DCTD: variants seen among roughly 807,000 people sequenced by gnomAD.
The protein encoded by DCTD is deoxycytidylate deaminase.
DCTD carries 23 observed loss-of-function variants against 21.0 expected under a neutral mutation model. The observed-to-expected ratio is 1.09, with a 90% confidence interval of 0.79 to 1.55. The LOEUF (loss-of-function observed/expected upper bound fraction) is 1.55. Ranked by LOEUF, DCTD falls within the 40% of genes most tolerant of loss-of-function variation. The pLI, the probability that DCTD is intolerant of heterozygous loss-of-function variation, is 0.00. For synonymous variants in DCTD, 71 were observed against 81.1 expected, an observed-to-expected ratio of 0.88 and a Z score of 0.67; for missense variants, 224 against 230.0, an observed-to-expected ratio of 0.97 and a Z score of 0.17.
chr4:182,906,095 C>G (rs183378041), intron 3 of DCTD, among the ~76,000 whole-genome samples: 3 of 152,048 alleles, frequency 2.0e-5, no homozygotes, highest in Admixed American at 2.0e-4. Context: ...GCTGGCGAGT[C>G]GCTGTTTCCA....
At chr4:182,907,948 G>A (rs1177269627) in intron 3 of DCTD, among the ~76,000 whole-genome samples, 3 of 151,736 alleles carry the variant, frequency 2.0e-5, no homozygotes, top group South Asian at 2.1e-4. Flanking sequence ...GGATTCTTTC[G>A]TGTGAATATG....
intron 3 of DCTD, among the ~76,000 whole-genome samples, chr4:182,914,106 C>G (rs1433918075): frequency 6.6e-6 from 1 of 152,214 alleles, no homozygotes; most frequent in Non-Finnish European, 1.5e-5. Context: ...CTCCTGAGTT[C>G]AAGCGATTCT....
At chr4:182,907,326 C>T (rs1220301423) in intron 3 of DCTD, among the ~76,000 whole-genome samples, 3 of 152,120 alleles carry the variant, frequency 2.0e-5, no homozygotes, top group African/African-American at 7.2e-5. Flanking sequence ...TCTGTAGAGA[C>T]GGGATTTCGC....
chr4:182,915,608 G>T, intron 1 of DCTD, 33 bp from the exon 2 acceptor site: 1 of 1,406,420 alleles, frequency 7.1e-7, no homozygotes, highest in Non-Finnish European at 1.0e-6. Context: ...CAGAAGTTGA[G>T]AGAAGCATTT....
chr4:182,891,186 C>T lies in DCTD; in HGVS notation c.*213G>A, dbSNP rs1733678073. The T allele has an allele frequency of 2.8e-5, 14 of 497,942 alleles. No individual in the cohort carries two copies. The East Asian group carries it at 4.4e-4, about 16-fold the overall frequency. The allele number at this position is 497,942 out of a possible 1,614,324, so 30.8% of individuals were successfully genotyped here. A position where few individuals can be genotyped will look rare whatever the true frequency, so the allele number is the denominator to read the frequency against. ...CTGTGCACCAGGCCACCACAGGCTC[C>T]CCTATTTTAAACCCTAAAGCAATAG... On this transcript the variant is annotated 3_prime_UTR_variant, in exon 6 of 6. Transcript: ENST00000438320.
chr4:182,905,515 G>A (rs538829426), intron 3 of DCTD, among the ~76,000 whole-genome samples: 13 of 151,968 alleles, frequency 8.6e-5, no homozygotes, highest in Admixed American at 2.6e-4. Flanking sequence ...TTTTAGTAGA[G>A]ACGGGGTTTC....
At chr4:182,898,311 G>C (rs1052239479) in intron 3 of DCTD, among the ~76,000 whole-genome samples, 2 of 152,172 alleles carry the variant, frequency 1.3e-5, no homozygotes, top group South Asian at 4.1e-4. Flanking sequence ...AAAGAGCTTT[G>C]CAACAAGGGC....
chr4:182,910,046 C>G (rs779346585), intron 3 of DCTD, among the ~76,000 whole-genome samples: 1 of 152,076 alleles, frequency 6.6e-6, no homozygotes, highest in African/African-American at 2.4e-5. Flanking sequence ...GGGTAAGAGC[C>G]CCACTTCTAC....
chr4:182,905,486 G>A (rs566684804), intron 3 of DCTD, among the ~76,000 whole-genome samples: 3 of 151,912 alleles, frequency 2.0e-5, no homozygotes, highest in African/African-American at 4.8e-5. Context: ...GCACCAACAC[G>A]CCCAGCTAAT....
chr4:182,916,912 C>G, intron 1 of DCTD: 1 of 1,007,322 alleles, frequency 9.9e-7, no homozygotes, highest in Non-Finnish European at 1.2e-6. Flanking sequence ...AAGACACATC[C>G]GGTCACCGTC....
At chr4:182,898,314 A>T (rs916023064) in intron 3 of DCTD, among the ~76,000 whole-genome samples, 1 of 152,208 alleles carries the variant, frequency 6.6e-6, no homozygotes, top group African/African-American at 2.4e-5. Flanking sequence ...GAGCTTTGCA[A>T]CAAGGGCAGC....
chr4:182,895,055 G>C (rs1048504906), intron 3 of DCTD, among the ~76,000 whole-genome samples: 1 of 152,186 alleles, frequency 6.6e-6, no homozygotes, highest in African/African-American at 2.4e-5. Context: ...TTACCACATC[G>C]TGCTCAGCCC....
intron 2 of DCTD, 133 bp from the exon 3 acceptor site, chr4:182,915,191 G>A (rs1249935204): frequency 7.5e-6 from 9 of 1,195,116 alleles, no homozygotes; most frequent in Admixed American, 2.1e-5. Flanking sequence ...GAGAGCTGTC[G>A]GTCTCCTTGC....
At chr4:182,905,724 A>G (rs1240577841) in intron 3 of DCTD, among the ~76,000 whole-genome samples, 1 of 152,034 alleles carries the variant, frequency 6.6e-6, no homozygotes, top group Non-Finnish European at 1.5e-5. Flanking sequence ...TGCTCCCTTC[A>G]TCAGCCACCC....
chr4:182,898,130 G>A (rs951280999), intron 3 of DCTD, among the ~76,000 whole-genome samples: 3 of 152,200 alleles, frequency 2.0e-5, no homozygotes, highest in Admixed American at 6.5e-5. Context: ...GTGTCGACTG[G>A]CCATCGACAC....
chr4:182,909,380 A>T (rs1737284822), intron 3 of DCTD, among the ~76,000 whole-genome samples: 1 of 152,204 alleles, frequency 6.6e-6, no homozygotes, highest in Non-Finnish European at 1.5e-5. Context: ...TCGTAAAAAT[A>T]ATCTACTTAA....
rs1738393132 is a variant in DCTD at position 182,914,775 on chromosome 4, A to C, written c.244+148T>G. 2.3e-5 allele frequency: 20 copies of C among 867,276 alleles called. No individual in the cohort carries two copies. The South Asian group carries it at 3.5e-4, about 15-fold the overall frequency. 53.7% of individuals were successfully genotyped at this position (867,276 alleles called of 1,614,324 possible). ...GGCTCTCTTTGGAACTTAAGAGACA[A>C]GGCCAGGAAATTGGGGTAGTTCAGT... On this transcript the variant is annotated intron_variant, in intron 3 of 5. Coordinates refer to ENST00000438320, the MANE Select transcript of DCTD (RefSeq NM_001921.3).
At chr4:182,916,407 CG>C (rs1738741863) in intron 1 of DCTD, 7 of 985,400 alleles carry the variant, frequency 7.1e-6, no homozygotes, top group Middle Eastern at 5.2e-4. Context: ...AACACAAAAA[CG>C]GGGTGGGTAC....
At chr4:182,906,355 T>C (rs970746532) in intron 3 of DCTD, among the ~76,000 whole-genome samples, 1 of 152,188 alleles carries the variant, frequency 6.6e-6, no homozygotes, top group African/African-American at 2.4e-5. Flanking sequence ...CATTAATGTC[T>C]ACCTCCTCCA....
Sources: gnomAD v4.1 joint callset for allele counts (sites outside exome capture counted in the v4.1 genomes callset) on GRCh38, gnomAD v4.1.1 for gene constraint, MANE v1.5 for transcripts, NCBI Gene and HGNC (gene_info 2026-07-23, HGNC 2026-07-21) for gene names.